The following ADCY7 variants were observed in gnomAD, a reference collection of about 807,000 sequenced individuals.
ADCY7 encodes the protein adenylate cyclase type 7.
ADCY7 carries 72 observed loss-of-function variants against 120.6 expected under a neutral mutation model. That is an observed-to-expected ratio of 0.60 (90% CI 0.49 to 0.73). The LOEUF (loss-of-function observed/expected upper bound fraction) is 0.73. ADCY7 is among the 30% of genes least tolerant of loss of function. ADCY7 has a pLI of 0.00. For synonymous variants in ADCY7, 661 were observed against 628.0 expected (o/e 1.05, Z -0.78); for missense variants, 1,227 against 1,486.0 (o/e 0.83, Z 2.87).
chr16:50,313,579 AG>A (rs1346438326), intron 22 of ADCY7: 6 of 229,244 alleles, frequency 2.6e-5, no homozygotes, highest in Non-Finnish European at 5.1e-5. Flanking sequence ...GATTAGACTC[AG>A]GCCCCTTAGC....
At chr16:50,301,306 T>C (rs889676359) in intron 10 of ADCY7, 92 bp downstream of exon 10, 11 of 1,456,630 alleles carry the variant, frequency 7.6e-6, no homozygotes, top group Non-Finnish European at 1.0e-5. Flanking sequence ...GAAACCCCCA[T>C]GTGGAGGGAG....
intron 18 of ADCY7, chr16:50,310,318 G>A (rs1347091919): frequency 8.0e-6 from 6 of 745,472 alleles, no homozygotes; most frequent in Non-Finnish European, 1.3e-5. Context: ...TTTATTCTGG[G>A]GGCTGGGGAG....
At chr16:50,245,974 TGGGGC>T (rs1283716618), upstream of ADCY7, among the ~76,000 whole-genome samples, 3 of 1,344 alleles carry the variant, frequency 2.2e-3, no homozygotes, top group African/African-American at 5.2e-3. Context: ...TGGGGTGGGG[TGGGGC>T]GGGGCGGGGA....
At chr16:50,311,534 TC>T (rs1302689934) in intron 19 of ADCY7, among the ~76,000 whole-genome samples, 158 bp from the exon 20 acceptor site, 1 of 138,958 alleles carries the variant, frequency 7.2e-6, no homozygotes, top group Non-Finnish European at 1.6e-5. Flanking sequence ...ACCTCTCCCC[TC>T]CCCCCTTTAT....
At chr16:50,283,772 G>A (rs78467711) in intron 1 of ADCY7, among the ~76,000 whole-genome samples, 1 of 152,168 alleles carries the variant, frequency 6.6e-6, no homozygotes, top group Non-Finnish European at 1.5e-5. Context: ...TGGTGGCTTT[G>A]GAGTTCAGAC....
chr16:50,307,995 CAAAAAAAA>C (rs34191947), intron 15 of ADCY7, among the ~76,000 whole-genome samples: 5 of 64,906 alleles, frequency 7.7e-5, no homozygotes, highest in African/African-American at 3.4e-4. Flanking sequence ...GACTCCATCT[CAAAAAAAA>C]AAAAAAAAAA....
In ADCY7 at chr16:50,312,027, C is replaced by T. The variant is rs375448924; in HGVS notation, c.2449-9C>T. 27 of 1,613,816 alleles carry T rather than the reference C, an allele frequency of 1.7e-5. No homozygotes were observed. The highest frequency in any genetic ancestry group is 1.2e-4 in the African/African-American group (9 of 74,904). Reference sequence around the variant, plus strand: ...GTGGACGGGGCGCTTATGTTGCTGCCGTTTGCAGATTGACTATTACTGCCG... The same window carrying T: ...GTGGACGGGGCGCTTATGTTGCTGCTGTTTGCAGATTGACTATTACTGCCG... On this transcript the variant is annotated splice_polypyrimidine_tract_variant and intron_variant, in intron 20 of 25. Coordinates refer to ENST00000673801, the MANE Select transcript of ADCY7 (RefSeq NM_001114.5).
intron 1 of ADCY7, among the ~76,000 whole-genome samples, chr16:50,259,533 C>T (rs1210376966): frequency 6.6e-6 from 1 of 152,252 alleles, no homozygotes; most frequent in Non-Finnish European, 1.5e-5. Flanking sequence ...CCCTTTCCTT[C>T]TCCAAAGCCC....
At chr16:50,283,259 C>T (rs146818902) in intron 1 of ADCY7, among the ~76,000 whole-genome samples, 200 of 152,318 alleles carry the variant, frequency 1.3e-3, no homozygotes, top group African/African-American at 4.5e-3. Flanking sequence ...GGTTAAATAT[C>T]TAGAGGTTGC....
At chr16:50,267,394 C>T (rs1483190687) in intron 1 of ADCY7, among the ~76,000 whole-genome samples, 1 of 152,220 alleles carries the variant, frequency 6.6e-6, no homozygotes, top group Admixed American at 6.5e-5. Flanking sequence ...GGGCTTCCTC[C>T]CTGGACAGCC....
intron 19 of ADCY7, 34 bp from the exon 20 acceptor site, chr16:50,311,659 G>A (rs1162001143): frequency 6.7e-7 from 1 of 1,499,342 alleles, no homozygotes; most frequent in East Asian, 2.3e-5. Context: ...AGTGGTGAGT[G>A]CTGGGAGTGA....
intron 1 of ADCY7, among the ~76,000 whole-genome samples, chr16:50,277,921 C>G (rs551743705): frequency 1.3e-5 from 2 of 152,042 alleles, no homozygotes; most frequent in African/African-American, 4.8e-5. Context: ...CCGCCCACCT[C>G]GGCCTCCCAA....
chr16:50,302,156 T>G (rs2035770525), intron 10 of ADCY7, among the ~76,000 whole-genome samples: 1 of 131,280 alleles, frequency 7.6e-6, no homozygotes, highest in African/African-American at 2.8e-5. Flanking sequence ...GGTCTCCTCC[T>G]GCCCTTCCAC....
chr16:50,286,162 G>T lies in ADCY7; in HGVS notation c.-268-1750G>T, dbSNP rs551463559. Among the ~76,000 whole-genome samples, 16 of 151,968 alleles carry T rather than the reference G, an allele frequency of 1.1e-4. No individual in the cohort carries two copies. In the South Asian group the frequency reaches 3.1e-3, roughly 30 times the overall value. ...AAAGCTTAACACTTCGGAGGCTGAG[G>T]AGGGTAGATTGCTTGAGCTTAGGAG... On this transcript the variant is annotated intron_variant, in intron 1 of 25. Coordinates refer to ENST00000673801, the MANE Select transcript of ADCY7 (RefSeq NM_001114.5).
chr16:50,308,351 C>CGGGCTGGTGGCCTGTGTACTG lies in ADCY7; in HGVS notation c.1885_1905dup (p.Ala629_Val635dup). On this transcript the variant is annotated inframe_insertion, in exon 16 of 26. Transcript: ENST00000673801. ...GGACGGCGGCACTGGGTGTGTCCTT[C>CGGGCTGGTGGCCTGTGTACTG]GGGCTGGTGGCCTGTGTACTGGGGC... The CGGGCTGGTGGCCTGTGTACTG allele has an allele frequency of 6.2e-7, 1 of 1,614,134 alleles. No homozygotes were observed. The highest frequency in any genetic ancestry group is 8.5e-7 in the Non-Finnish European group (1 of 1,180,022).
intron 5 of ADCY7, 48 bp from the exon 6 acceptor site, chr16:50,293,306 G>A (rs369673071): frequency 8.2e-6 from 13 of 1,594,544 alleles, no homozygotes; most frequent in African/African-American, 5.4e-5. Flanking sequence ...TGGTCCCTCC[G>A]CCGGTCGCTT....
intron 1 of ADCY7, among the ~76,000 whole-genome samples, chr16:50,266,894 G>T (rs966848234): frequency 3.9e-5 from 6 of 152,148 alleles, no homozygotes; most frequent in Non-Finnish European, 7.3e-5. Flanking sequence ...GAGGCGACTT[G>T]TCACTGGCTT....
At chr16:50,276,769 A>C (rs1454588212) in intron 1 of ADCY7, among the ~76,000 whole-genome samples, 2 of 151,840 alleles carry the variant, frequency 1.3e-5, no homozygotes, top group African/African-American at 4.8e-5. Context: ...TAGTTTTAAA[A>C]TTTTTTTAGA....
chr16:50,288,763 C>G (rs2150949082), intron 2 of ADCY7, among the ~76,000 whole-genome samples: 1 of 152,274 alleles, frequency 6.6e-6, no homozygotes, highest in Admixed American at 6.5e-5. Flanking sequence ...TAGACGTGAG[C>G]CACCATGCCC....
Sources: allele counts gnomAD v4.1 joint callset (sites outside exome capture counted in the v4.1 genomes callset), GRCh38; gene constraint gnomAD v4.1.1; transcripts MANE v1.5; gene names NCBI Gene and HGNC (gene_info 2026-07-23, HGNC 2026-07-21).